UBE3A: variants seen among roughly 807,000 people sequenced by gnomAD.
UBE3A encodes ubiquitin protein ligase E3A, also known as ubiquitin-protein ligase E3A.
Under a neutral mutation model 83.4 loss-of-function variants are expected in UBE3A, and 6 were observed. That is an observed-to-expected ratio of 0.07 (90% CI 0.04 to 0.14). The LOEUF (loss-of-function observed/expected upper bound fraction) is 0.14. Ranked by LOEUF, UBE3A falls within the 10% of genes least tolerant of loss-of-function variation. UBE3A has a pLI of 1.00. For missense variants in UBE3A, 456 were observed against 1,036.1 expected, an observed-to-expected ratio of 0.44 and a Z score of 7.69; for synonymous variants, 337 against 355.4, an observed-to-expected ratio of 0.95 and a Z score of 0.58.
intron 4 of UBE3A, 126 bp from the exon 5 acceptor site, chr15:25,375,889 G>A: frequency 9.6e-7 from 1 of 1,043,774 alleles, no homozygotes; most frequent in Non-Finnish European, 1.4e-6. Context: ...AAGATGAGAA[G>A]TAGAAAATGG....
chr15:25,382,758 G>C (rs1045980421), intron 4 of UBE3A, among the ~76,000 whole-genome samples: 1 of 151,984 alleles, frequency 6.6e-6, no homozygotes, highest in African/African-American at 2.4e-5. Flanking sequence ...CTGGAAATTA[G>C]AAAGGCGATA....
At chr15:25,419,673 T>C (rs1384114834) in intron 1 of UBE3A, among the ~76,000 whole-genome samples, 1 of 152,132 alleles carries the variant, frequency 6.6e-6, no homozygotes. Context: ...ACAACTGGCC[T>C]TTGAAAGAAA....
At chr15:25,368,345 C>T (rs980943980) in intron 6 of UBE3A, among the ~76,000 whole-genome samples, 11 of 151,814 alleles carry the variant, frequency 7.2e-5, no homozygotes, top group East Asian at 3.9e-4. Flanking sequence ...AGACCTATTT[C>T]GATGCTGGTT....
intron 4 of UBE3A, among the ~76,000 whole-genome samples, chr15:25,383,264 A>G (rs1029292680): frequency 1.3e-5 from 2 of 152,242 alleles, no homozygotes; most frequent in African/African-American, 4.8e-5. Context: ...TCACTTTAAT[A>G]CACTGCATTC....
At chr15:25,356,571 T>G (rs1393927720) in intron 8 of UBE3A, 120 bp downstream of exon 8, 1 of 985,484 alleles carries the variant, frequency 1.0e-6, no homozygotes. Flanking sequence ...CATTTTTATC[T>G]TATTGATAAG....
chr15:25,391,430 GCA>G (rs1449816726), intron 4 of UBE3A, among the ~76,000 whole-genome samples: 16 of 152,298 alleles, frequency 1.1e-4, no homozygotes, highest in African/African-American at 3.1e-4. Context: ...ACAACAATGT[GCA>G]CAGTTACCAC....
chr15:25,390,197 A>G (rs1596024728), intron 4 of UBE3A, among the ~76,000 whole-genome samples: 1 of 152,232 alleles, frequency 6.6e-6, no homozygotes, highest in Non-Finnish European at 1.5e-5. Flanking sequence ...TTGCTGGTGA[A>G]AAATGTAAAA....
chr15:25,361,203 G>A (rs1183318615), intron 6 of UBE3A, among the ~76,000 whole-genome samples: 2 of 148,446 alleles, frequency 1.3e-5, no homozygotes, highest in Admixed American at 1.4e-4. Flanking sequence ...TCAGCTCACT[G>A]CAACCTCCGC....
chr15:25,426,136 T>C (rs1463427111), intron 1 of UBE3A, among the ~76,000 whole-genome samples: 1 of 151,982 alleles, frequency 6.6e-6, no homozygotes, highest in African/African-American at 2.4e-5. Context: ...CATTAAAATA[T>C]TTACTTAAGT....
intron 12 of UBE3A, chr15:25,339,860 A>C: frequency 1.7e-6 from 1 of 571,486 alleles, no homozygotes; most frequent in South Asian, 2.0e-5. Context: ...CACTAATTTG[A>C]TTCCAAACCA....
chr15:25,359,415 ATGCGTG>A (rs1160901336), intron 7 of UBE3A, among the ~76,000 whole-genome samples: 5 of 98,360 alleles, frequency 5.1e-5, no homozygotes, highest in Middle Eastern at 4.9e-3. Flanking sequence ...TAGATAAGGG[ATGCGTG>A]TGTGTGTGTG....
chr15:25,430,165 TTA>T (rs1261911172), intron 1 of UBE3A, among the ~76,000 whole-genome samples: 52 of 18,380 alleles, frequency 2.8e-3, no homozygotes, highest in African/African-American at 0.012. Flanking sequence ...ATATATAAGA[TTA>T]TATATATATT....
intron 4 of UBE3A, among the ~76,000 whole-genome samples, chr15:25,389,419 G>A (rs886954062): frequency 3.3e-5 from 5 of 152,032 alleles, no homozygotes; most frequent in Non-Finnish European, 5.9e-5. Flanking sequence ...TTTTAGATAC[G>A]GCACCAAAGG....
At chr15:25,380,329 A>G (rs537820096) in intron 4 of UBE3A, among the ~76,000 whole-genome samples, 2 of 152,172 alleles carry the variant, frequency 1.3e-5, no homozygotes, top group South Asian at 2.1e-4. Flanking sequence ...GCTGTTTTTC[A>G]TACTACAATG....
chr15:25,357,523 T>C (rs1288812532), intron 7 of UBE3A: 1 of 152,252 alleles, frequency 6.6e-6, no homozygotes, highest in Non-Finnish European at 1.5e-5. Context: ...AATTTTTGTA[T>C]TTTTAGTAGA....
At chr15:25,408,554 T>A in intron 3 of UBE3A, 1 of 1,598,656 alleles carries the variant, frequency 6.3e-7, no homozygotes, top group Non-Finnish European at 8.6e-7. Context: ...GCAGAAAATA[T>A]GATCACAAAA....
chr15:25,417,297 C>T (rs1178430121), intron 1 of UBE3A, among the ~76,000 whole-genome samples: 1 of 152,028 alleles, frequency 6.6e-6, no homozygotes, highest in African/African-American at 2.4e-5. Context: ...TCCAATGTAG[C>T]CCTGAAGGGA....
chr15:25,353,947 A>G (rs1391199238), intron 11 of UBE3A: 1 of 242,102 alleles, frequency 4.1e-6, no homozygotes, highest in Non-Finnish European at 8.1e-6. Context: ...GAATTAAATA[A>G]AAGACTACCA....
intron 1 of UBE3A, among the ~76,000 whole-genome samples, chr15:25,431,267 T>C (rs1893367151): frequency 6.6e-6 from 1 of 152,234 alleles, no homozygotes; most frequent in African/African-American, 2.4e-5. Flanking sequence ...GGAATGAGAA[T>C]GAAGCAGCTT....
Sources: allele counts gnomAD v4.1 joint callset (sites outside exome capture counted in the v4.1 genomes callset), GRCh38; gene constraint gnomAD v4.1.1; transcripts MANE v1.5; gene names NCBI Gene and HGNC (gene_info 2026-07-23, HGNC 2026-07-21).